Variants in GRAMD1B observed in about 807,000 individuals in gnomAD.
The protein encoded by GRAMD1B is protein Aster-B.
A neutral mutation model predicts 99.7 loss-of-function variants in GRAMD1B; 37 were observed. The observed-to-expected ratio is 0.37, with a 90% CI of 0.29 to 0.49. The LOEUF (loss-of-function observed/expected upper bound fraction) is 0.49. Ranked by LOEUF, GRAMD1B falls within the 20% of genes least tolerant of loss-of-function variation. The pLI, the probability that GRAMD1B is intolerant of heterozygous loss-of-function variation, is 0.98. For missense variants in GRAMD1B, 888 were observed against 1,009.2 expected (o/e 0.88, Z 1.63); for synonymous variants, 427 against 387.6 (o/e 1.10, Z -1.19).
At chr11:123,452,152 A>G (rs1591568605) in intron 1 of GRAMD1B, among the ~76,000 whole-genome samples, 2 of 152,148 alleles carry the variant, frequency 1.3e-5, no homozygotes, top group Non-Finnish European at 2.9e-5. Context: ...GATTTTTTTG[A>G]CCATCCGTTA....
intron 2 of GRAMD1B, among the ~76,000 whole-genome samples, chr11:123,505,499 C>A (rs1056409332): frequency 6.6e-6 from 1 of 152,202 alleles, no homozygotes; most frequent in Non-Finnish European, 1.5e-5. Flanking sequence ...AAAACAAACA[C>A]CTAACTCTTA....
At chr11:123,451,721 C>T (rs1949895147) in intron 1 of GRAMD1B, among the ~76,000 whole-genome samples, 3 of 152,160 alleles carry the variant, frequency 2.0e-5, no homozygotes, top group Admixed American at 1.3e-4. Flanking sequence ...CCAAATCCCG[C>T]CAGCCAGCAC....
intron 1 of GRAMD1B, among the ~76,000 whole-genome samples, chr11:123,398,678 T>C (rs1328510913): frequency 7.9e-5 from 12 of 152,240 alleles, no homozygotes; most frequent in African/African-American, 2.4e-4. Flanking sequence ...TGTTGACTAA[T>C]GTCACTAAGT....
intron 2 of GRAMD1B, among the ~76,000 whole-genome samples, chr11:123,487,653 G>A (rs1420622060): frequency 6.6e-6 from 1 of 152,198 alleles, no homozygotes; most frequent in Non-Finnish European, 1.5e-5. Context: ...CACCCAGGCT[G>A]GAGTACAGTG....
At chr11:123,458,031 T>C (rs993760624) in intron 1 of GRAMD1B, among the ~76,000 whole-genome samples, 4 of 152,204 alleles carry the variant, frequency 2.6e-5, no homozygotes, top group Non-Finnish European at 5.9e-5. Context: ...ATATTTTAAA[T>C]AGATGAGTAC....
At chr11:123,517,956 A>G (rs1941832488) in intron 2 of GRAMD1B, among the ~76,000 whole-genome samples, 1 of 152,134 alleles carries the variant, frequency 6.6e-6, no homozygotes, top group East Asian at 1.9e-4. Flanking sequence ...GGTCCCTAAC[A>G]CCATCAGTCA....
rs34697633 is a variant in GRAMD1B, at chr11:123,625,973, A to AGAGAGAGAGAGAGG, written c.*3386_*3387insGAGAGGGAGAGAGA. 44 of 139,850 alleles carry AGAGAGAGAGAGAGG rather than the reference A, an allele frequency of 3.1e-4. No individual in the cohort carries two copies. The highest frequency in any genetic ancestry group is 6.2e-4 in the African/African-American group (24 of 38,544). The allele number at this position is 139,850 out of a possible 1,614,324, so 8.7% of individuals were successfully genotyped here. On this transcript the variant is annotated 3_prime_UTR_variant, in exon 20 of 20. Coordinates refer to ENST00000635736, the MANE Select transcript of GRAMD1B (RefSeq NM_001387025.1). ...GAGAGAGAGAGAGAGAGAGAGAGAG[A>AGAGAGAGAGAGAGG]GAGAGAGATCGAGCTTGATGTATTG...
At chr11:123,371,036 A>C (rs567552440) in intron 1 of GRAMD1B, among the ~76,000 whole-genome samples, 3 of 148,158 alleles carry the variant, frequency 2.0e-5, no homozygotes, top group Admixed American at 2.0e-4. Flanking sequence ...TGAATGAGAA[A>C]TGTCAATGGA....
intron 1 of GRAMD1B, among the ~76,000 whole-genome samples, chr11:123,475,916 T>C (rs1951244136): frequency 6.6e-6 from 1 of 152,116 alleles, no homozygotes; most frequent in Non-Finnish European, 1.5e-5. Flanking sequence ...GGTAGGTTTA[T>C]TTAGGGAGCA....
chr11:123,474,184 A>G (rs1014693374), intron 1 of GRAMD1B, among the ~76,000 whole-genome samples: 1 of 152,218 alleles, frequency 6.6e-6, no homozygotes, highest in African/African-American at 2.4e-5. Context: ...AGGGCCTGCT[A>G]CTGCCCTAAA....
At chr11:123,544,937 G>C (rs981257638) in intron 2 of GRAMD1B, among the ~76,000 whole-genome samples, 1 of 152,230 alleles carries the variant, frequency 6.6e-6, no homozygotes, top group African/African-American at 2.4e-5. Flanking sequence ...CTGGCGATGG[G>C]AGATAGGGGC....
chr11:123,388,814 G>A (rs1947169226), intron 1 of GRAMD1B, among the ~76,000 whole-genome samples: 1 of 152,204 alleles, frequency 6.6e-6, no homozygotes, highest in African/African-American at 2.4e-5. Context: ...CTAGAACCCA[G>A]CCATGCTGGC....
At chr11:123,366,709 C>T (rs188122725) in intron 1 of GRAMD1B, among the ~76,000 whole-genome samples, 16 of 152,230 alleles carry the variant, frequency 1.1e-4, no homozygotes, top group African/African-American at 3.4e-4. Flanking sequence ...GAAAGAAGTG[C>T]GTTGATGGAT....
At chr11:123,523,136 A>G (rs551685563) in intron 2 of GRAMD1B, among the ~76,000 whole-genome samples, 2 of 152,304 alleles carry the variant, frequency 1.3e-5, no homozygotes, top group South Asian at 4.1e-4. Context: ...GTTCAAGACC[A>G]GCCTGGTCAA....
chr11:123,557,977 C>CT (rs532091098), intron 2 of GRAMD1B, among the ~76,000 whole-genome samples: 68,373 of 98,670 alleles, frequency 0.69, 26,199 homozygotes, highest in East Asian at 0.96. Flanking sequence ...TTCAGTGCAA[C>CT]TTTTTTTTTT....
At chr11:123,621,840 T>C (rs1314028564) in intron 19 of GRAMD1B, among the ~76,000 whole-genome samples, 1 of 119,914 alleles carries the variant, frequency 8.3e-6, no homozygotes, top group Non-Finnish European at 1.8e-5. Context: ...CCCAAGGGCT[T>C]CCCCATGCTA....
At chr11:123,393,829 G>A (rs1947362650) in intron 1 of GRAMD1B, among the ~76,000 whole-genome samples, 1 of 152,152 alleles carries the variant, frequency 6.6e-6, no homozygotes, top group Non-Finnish European at 1.5e-5. Context: ...GTTTGCTGGG[G>A]CTGTCTCATG....
At chr11:123,408,857 G>T (rs1947944301) in intron 1 of GRAMD1B, among the ~76,000 whole-genome samples, 1 of 152,172 alleles carries the variant, frequency 6.6e-6, no homozygotes, top group South Asian at 2.1e-4. Context: ...TTACATTTTT[G>T]TGTTTTTCTA....
chr11:123,563,301 C>T (rs1181627636), intron 2 of GRAMD1B, among the ~76,000 whole-genome samples: 1 of 152,098 alleles, frequency 6.6e-6, no homozygotes, highest in South Asian at 2.1e-4. Context: ...GTGACTGGCC[C>T]TTGAGAGGTA....
Sources: gnomAD v4.1 joint callset for allele counts (sites outside exome capture counted in the v4.1 genomes callset) on GRCh38, gnomAD v4.1.1 for gene constraint, MANE v1.5 for transcripts, NCBI Gene and HGNC (gene_info 2026-07-23, HGNC 2026-07-21) for gene names.